FAM227B: variants seen among roughly 807,000 people sequenced by gnomAD.
FAM227B encodes family with sequence similarity 227 member B.
A neutral mutation model predicts 73.8 loss-of-function variants in FAM227B; 88 were observed. The observed-to-expected ratio is 1.19, with a 90% CI of 1.00 to 1.42. The LOEUF (loss-of-function observed/expected upper bound fraction) is 1.42, where lower values mean the gene tolerates loss of function less well. FAM227B is among the 40% of genes most tolerant of loss of function. The pLI is 0.00. For missense variants in FAM227B, 632 were observed against 590.9 expected (o/e 1.07, Z -0.72); for synonymous variants, 210 against 190.5 (o/e 1.10, Z -0.84).
intron 8 of FAM227B, among the ~76,000 whole-genome samples, chr15:49,569,337 TTC>T (rs1286305397): frequency 6.6e-6 from 1 of 151,864 alleles, no homozygotes; most frequent in Non-Finnish European, 1.5e-5. Context: ...TTTATTTTTT[TTC>T]TGTTTTTCTA....
chr15:49,414,094 A>C (rs2049050241), intron 11 of FAM227B, among the ~76,000 whole-genome samples: 1 of 152,010 alleles, frequency 6.6e-6, no homozygotes, highest in South Asian at 2.1e-4. Context: ...GACCTTGCTT[A>C]TCTTATTGAA....
intron 11 of FAM227B, among the ~76,000 whole-genome samples, chr15:49,438,384 C>T (rs1436324358): frequency 2.0e-5 from 3 of 151,674 alleles, no homozygotes; most frequent in Non-Finnish European, 3.0e-5. Flanking sequence ...GAAATTAACT[C>T]GTGACAATGA....
chr15:49,332,694 C>A (rs144549177), intron 14 of FAM227B, among the ~76,000 whole-genome samples: 2 of 152,214 alleles, frequency 1.3e-5, no homozygotes, highest in African/African-American at 4.8e-5. Flanking sequence ...TATTTAAAAA[C>A]TATTTTTCCA....
At chr15:49,557,092 C>G (rs2073784851) in intron 9 of FAM227B, among the ~76,000 whole-genome samples, 1 of 152,162 alleles carries the variant, frequency 6.6e-6, no homozygotes, top group Non-Finnish European at 1.5e-5. Flanking sequence ...TGTGTGTTCT[C>G]CCTCCATCCA....
At chr15:49,329,775 A>G (rs1229731556) in intron 15 of FAM227B, 7 of 943,830 alleles carry the variant, frequency 7.4e-6, no homozygotes, top group East Asian at 1.2e-4. Context: ...TGTGGTTGGT[A>G]TATAATTCTT....
intron 3 of FAM227B, among the ~76,000 whole-genome samples, chr15:49,605,204 C>T (rs577096448): frequency 6.6e-6 from 1 of 152,214 alleles, no homozygotes; most frequent in Admixed American, 6.5e-5. Context: ...TGTAGGCAGG[C>T]CAGCTGGTGG....
chr15:49,358,791 G>A (rs1406875102), intron 13 of FAM227B, among the ~76,000 whole-genome samples: 8 of 152,110 alleles, frequency 5.3e-5, no homozygotes, highest in Non-Finnish European at 8.8e-5. Flanking sequence ...TCAAACTTAA[G>A]CCAGAAGAAC....
intron 11 of FAM227B, among the ~76,000 whole-genome samples, chr15:49,466,993 C>T (rs2054320754): frequency 6.6e-6 from 1 of 152,114 alleles, no homozygotes; most frequent in Admixed American, 6.6e-5. Flanking sequence ...TTTAATTTTT[C>T]CATGCTGATG....
rs535967419 is a variant in FAM227B, at chr15:49,601,390, C to G, written c.105+9825G>C. ...ATAACAACTTCATATGTACCACATA[C>G]AAAAACTCTACACTTTAACTCCCAC... On this transcript the variant is annotated intron_variant, in intron 3 of 15. Coordinates refer to ENST00000299338, the MANE Select transcript of FAM227B (RefSeq NM_152647.3). Among the ~76,000 whole-genome samples, 4 of 152,078 alleles carry G rather than the reference C, an allele frequency of 2.6e-5. No homozygotes were observed. In the South Asian group the frequency reaches 8.3e-4, roughly 32 times the overall value.
intron 1 of FAM227B, among the ~76,000 whole-genome samples, chr15:49,615,984 G>C (rs2078265635): frequency 6.6e-6 from 1 of 152,142 alleles, no homozygotes; most frequent in African/African-American, 2.4e-5. Flanking sequence ...TCTATTATCT[G>C]AAAGAATTTA....
intron 10 of FAM227B, among the ~76,000 whole-genome samples, chr15:49,536,618 G>C (rs951365232): frequency 2.0e-5 from 3 of 151,432 alleles, no homozygotes; most frequent in African/African-American, 7.3e-5. Context: ...CAATTATGAG[G>C]AAAAAAACGT....
intron 11 of FAM227B, among the ~76,000 whole-genome samples, chr15:49,495,858 A>G (rs2152072829): frequency 6.6e-6 from 1 of 152,130 alleles, no homozygotes; most frequent in East Asian, 1.9e-4. Flanking sequence ...CCCTGTCTCT[A>G]CTAAAAATAC....
At chr15:49,386,728 A>T (rs956425867) in intron 11 of FAM227B, among the ~76,000 whole-genome samples, 1 of 151,878 alleles carries the variant, frequency 6.6e-6, no homozygotes, top group African/African-American at 2.4e-5. Context: ...TCTTTGAAAA[A>T]AATAAACAAA....
At chr15:49,399,640 G>T (rs944058645) in intron 11 of FAM227B, among the ~76,000 whole-genome samples, 1 of 148,554 alleles carries the variant, frequency 6.7e-6, no homozygotes, top group Non-Finnish European at 1.5e-5. Flanking sequence ...CCATCAAAAA[G>T]CTTATCCACC....
Position 49,357,613 on chromosome 15 carries a change from AAG to A in FAM227B, c.1271+9833_1271+9834del, listed in dbSNP as rs1400636991. On this transcript the variant is annotated intron_variant, in intron 13 of 15. Transcript: ENST00000299338. ...AATAATCAATAGCTTACCAACCAAA[AAG>A]AGTCCAGGACCAGATGGATTCACAG... Among the ~76,000 whole-genome samples the A allele has an allele frequency of 3.6e-3, 541 of 150,714 alleles. 18 individuals are homozygous for A. In the East Asian group the frequency reaches 0.096, roughly 27 times the overall value.
At chr15:49,494,547 A>C (rs2057430506) in intron 11 of FAM227B, among the ~76,000 whole-genome samples, 3 of 152,082 alleles carry the variant, frequency 2.0e-5, no homozygotes, top group Non-Finnish European at 4.4e-5. Context: ...TCCTCTTAGG[A>C]TACTGCTTCC....
chr15:49,366,664 C>T, intron 13 of FAM227B: 3 of 1,535,252 alleles, frequency 2.0e-6, no homozygotes, highest in Non-Finnish European at 2.7e-6. Flanking sequence ...TGGCAGGGGA[C>T]AGCCGCCGCT....
At chr15:49,376,565 C>G (rs1188602614) in intron 11 of FAM227B, among the ~76,000 whole-genome samples, 1 of 152,068 alleles carries the variant, frequency 6.6e-6, no homozygotes, top group African/African-American at 2.4e-5. Context: ...GTCTTCCAAC[C>G]TTGTTCTTCC....
At chr15:49,521,604 G>A (rs565622491) in intron 10 of FAM227B, among the ~76,000 whole-genome samples, 2 of 152,286 alleles carry the variant, frequency 1.3e-5, no homozygotes, top group Non-Finnish European at 2.9e-5. Flanking sequence ...CTTGCACAAA[G>A]GGAGGGCTTA....
Sources: gnomAD v4.1 joint callset for allele counts (sites outside exome capture counted in the v4.1 genomes callset) on GRCh38, gnomAD v4.1.1 for gene constraint, MANE v1.5 for transcripts, NCBI Gene and HGNC (gene_info 2026-07-23, HGNC 2026-07-21) for gene names.